GML: variants seen among roughly 807,000 people sequenced by gnomAD.
GML encodes the protein glycosyl-phosphatidylinositol-anchored molecule-like protein.
A neutral mutation model predicts 8.2 loss-of-function variants in GML; 5 were observed. The ratio of observed to expected loss-of-function variants is 0.61; its 90% CI spans 0.32 to 1.28. The LOEUF (loss-of-function observed/expected upper bound fraction) is 1.28. Ranked by LOEUF, GML falls within the 50% of genes most tolerant of loss-of-function variation. GML has a pLI of 0.06. For synonymous variants in GML, 72 were observed against 69.0 expected, an observed-to-expected ratio of 1.04 and a Z score of -0.22; for missense variants, 191 against 198.3, an observed-to-expected ratio of 0.96 and a Z score of 0.22.
intron 3 of GML, among the ~76,000 whole-genome samples, chr8:142,844,515 G>A (rs545782501): frequency 6.6e-6 from 1 of 152,122 alleles, no homozygotes; most frequent in Admixed American, 6.5e-5. Flanking sequence ...TAGTATAACC[G>A]CAAGCCACGG....
chr8:142,840,991 C>T (rs777449455), intron 2 of GML, 127 bp from the exon 3 acceptor site: 17 of 654,574 alleles, frequency 2.6e-5, no homozygotes, highest in Non-Finnish European at 4.2e-5. Context: ...CTGAGCTGTG[C>T]AGGCTAGGAG....
At chr8:142,843,568 T>A (rs931159035) in intron 3 of GML, among the ~76,000 whole-genome samples, 2 of 152,146 alleles carry the variant, frequency 1.3e-5, no homozygotes, top group Admixed American at 6.5e-5. Context: ...AAAGAAAGAA[T>A]TTAAACTGCT....
intron 3 of GML, among the ~76,000 whole-genome samples, chr8:142,843,255 T>TACAC (rs55778635): frequency 0.027 from 3,841 of 140,044 alleles, 83 homozygotes; most frequent in South Asian, 0.066. Flanking sequence ...AAAAGGTTCA[T>TACAC]ACACACACAC....
chr8:142,835,433 G>T (rs1459537172), intron 1 of GML, among the ~76,000 whole-genome samples: 1 of 152,224 alleles, frequency 6.6e-6, no homozygotes, highest in Admixed American at 6.5e-5. Context: ...GCCGCAGCCT[G>T]TTCCACGTTC....
chr8:142,841,652 A>G (rs539075047), intron 3 of GML, among the ~76,000 whole-genome samples: 31 of 152,300 alleles, frequency 2.0e-4, no homozygotes, highest in Admixed American at 9.8e-4. Flanking sequence ...GGAAAAACCT[A>G]CCACACACAG....
At chr8:142,842,298 A>G (rs1816444689) in intron 3 of GML, among the ~76,000 whole-genome samples, 2 of 152,176 alleles carry the variant, frequency 1.3e-5, no homozygotes, top group Non-Finnish European at 2.9e-5. Flanking sequence ...TAAATTGCCC[A>G]GTCTCGGGCA....
intron 1 of GML, among the ~76,000 whole-genome samples, chr8:142,838,669 A>T (rs1479595903): frequency 6.6e-6 from 1 of 152,124 alleles, no homozygotes; most frequent in Non-Finnish European, 1.5e-5. Flanking sequence ...GATGCTGATG[A>T]TCCACATTTT....
chr8:142,840,725 G>A (rs1414554058), intron 2 of GML, among the ~76,000 whole-genome samples: 2 of 152,164 alleles, frequency 1.3e-5, no homozygotes, highest in African/African-American at 4.8e-5. Flanking sequence ...GGACCAAGGG[G>A]GAACCTTGAT....
chr8:142,836,040 G>A (rs1277934235), intron 1 of GML, among the ~76,000 whole-genome samples: 1 of 152,190 alleles, frequency 6.6e-6, no homozygotes, highest in Admixed American at 6.5e-5. Flanking sequence ...TCCGTTTCAC[G>A]GTTCCTGAGT....
rs1185485437 is a variant in GML, at chr8:142,841,229, A to G, written c.181+4A>G. On this transcript the variant is annotated splice_donor_region_variant and intron_variant, in intron 3 of 3. Coordinates refer to ENST00000220940, the MANE Select transcript of GML (RefSeq NM_002066.3). ...CGCTGTATGACAATCTCCATTCGTA[A>G]GTACCTCTTTGTCATTTTGACACAT... 7.5e-7 allele frequency: 1 copy of G among 1,332,630 alleles called. No individual in the cohort carries two copies. The highest frequency in any genetic ancestry group is 1.7e-5 in the Admixed American group (1 of 59,682). 82.6% of individuals were successfully genotyped at this position (1,332,630 alleles called of 1,614,324 possible).
chr8:142,843,273 CACACACACA>C (rs1816460801), intron 3 of GML, among the ~76,000 whole-genome samples: 1 of 151,238 alleles, frequency 6.6e-6, no homozygotes, highest in Non-Finnish European at 1.5e-5. Context: ...CACACACACA[CACACACACA>C]CACACACACA....
intron 3 of GML, among the ~76,000 whole-genome samples, chr8:142,846,119 A>C (rs1212117684): frequency 1.3e-5 from 2 of 152,190 alleles, no homozygotes; most frequent in African/African-American, 4.8e-5. Context: ...GCTACATGAC[A>C]AGGTACCATG....
At chr8:142,839,983 G>A (rs1486936074) in intron 1 of GML, among the ~76,000 whole-genome samples, 1 of 152,238 alleles carries the variant, frequency 6.6e-6, no homozygotes, top group Non-Finnish European at 1.5e-5. Flanking sequence ...TGGCCCTCGT[G>A]TTGCTGAGCT....
At chr8:142,837,816 G>C (rs1480681405) in intron 1 of GML, among the ~76,000 whole-genome samples, 2 of 146,504 alleles carry the variant, frequency 1.4e-5, no homozygotes, top group Admixed American at 1.4e-4. Context: ...TGCCACACTG[G>C]GGGGGATTCT....
intron 2 of GML, 78 bp from the exon 3 acceptor site, chr8:142,841,040 G>C: frequency 1.3e-6 from 1 of 783,062 alleles, no homozygotes; most frequent in Non-Finnish European, 2.3e-6. Flanking sequence ...GGCCGTTGAA[G>C]AAGGGTGGAG....
At chr8:142,836,411 C>G (rs1175173366) in intron 1 of GML, among the ~76,000 whole-genome samples, 1 of 152,162 alleles carries the variant, frequency 6.6e-6, no homozygotes, top group African/African-American at 2.4e-5. Flanking sequence ...ATTTCTGCCT[C>G]TTACACATCC....
At chr8:142,841,074 G>A (rs941918207) in intron 2 of GML, 44 bp from the exon 3 acceptor site, 4 of 921,110 alleles carry the variant, frequency 4.3e-6, no homozygotes, top group South Asian at 1.3e-5. Flanking sequence ...GGTGGAAAAG[G>A]CGTAGTGGAG....
intron 3 of GML, among the ~76,000 whole-genome samples, chr8:142,842,577 A>G (rs1486156298): frequency 6.6e-6 from 1 of 152,122 alleles, no homozygotes; most frequent in Non-Finnish European, 1.5e-5. Context: ...AGCAGAGATC[A>G]CTCTTCTGGA....
At chr8:142,838,739 T>C (rs1046952462) in intron 1 of GML, among the ~76,000 whole-genome samples, 2 of 152,182 alleles carry the variant, frequency 1.3e-5, no homozygotes, top group Non-Finnish European at 2.9e-5. Context: ...TGTGAAGGAA[T>C]CCAAGCTCTC....
Sources: allele counts gnomAD v4.1 joint callset (sites outside exome capture counted in the v4.1 genomes callset), GRCh38; gene constraint gnomAD v4.1.1; transcripts MANE v1.5; gene names NCBI Gene and HGNC (gene_info 2026-07-23, HGNC 2026-07-21).